IPO11: variants seen among roughly 807,000 people sequenced by gnomAD.
IPO11 encodes importin-11.
IPO11 carries 66 observed loss-of-function variants against 143.2 expected under a neutral mutation model. The observed-to-expected ratio is 0.46, with a 90% confidence interval of 0.38 to 0.57. The LOEUF (loss-of-function observed/expected upper bound fraction) is 0.57. Ranked by LOEUF, IPO11 falls within the 20% of genes least tolerant of loss-of-function variation. The pLI is 0.00. For synonymous variants in IPO11, 385 were observed against 377.8 expected, an observed-to-expected ratio of 1.02 and a Z score of -0.22; for missense variants, 1,026 against 1,141.0, an observed-to-expected ratio of 0.90 and a Z score of 1.45.
At chr5:62,548,512 T>G (rs990849599) in intron 24 of IPO11, among the ~76,000 whole-genome samples, 3 of 152,160 alleles carry the variant, frequency 2.0e-5, no homozygotes, top group African/African-American at 7.2e-5. Context: ...GGAAGCAATC[T>G]CTTTTAGACT....
chr5:62,416,110 G>A (rs1234490256), intron 1 of IPO11, among the ~76,000 whole-genome samples: 1 of 151,626 alleles, frequency 6.6e-6, no homozygotes, highest in South Asian at 2.1e-4. Flanking sequence ...CCTTCTTGCT[G>A]CCTTTTCTCG....
chr5:62,572,793 G>T (rs1380757343), intron 27 of IPO11, among the ~76,000 whole-genome samples: 2 of 151,934 alleles, frequency 1.3e-5, no homozygotes, highest in Non-Finnish European at 2.9e-5. Context: ...ATGTTGCTCA[G>T]GCTGGTCTTG....
intron 13 of IPO11, among the ~76,000 whole-genome samples, chr5:62,488,562 G>A (rs26642): frequency 0.43 from 66,049 of 151,956 alleles, 14,927 homozygotes; most frequent in South Asian, 0.53. Flanking sequence ...ATATACTTTC[G>A]GAGTGCATGT....
intron 21 of IPO11, among the ~76,000 whole-genome samples, chr5:62,527,043 A>G (rs1182963676): frequency 1.3e-5 from 2 of 151,602 alleles, no homozygotes; most frequent in Non-Finnish European, 2.9e-5. Context: ...CTTAGAAATT[A>G]CTTTGGTGCA....
Position 62,569,342 on chromosome 5 carries a change from G to A in IPO11, c.2582+8085G>A, listed in dbSNP as rs191537400. 3.9e-5 allele frequency among the ~76,000 whole-genome samples: 6 copies of A among 152,216 alleles called. No individual in the cohort carries two copies. In the East Asian group the frequency reaches 9.7e-4, roughly 24 times the overall value. On this transcript the variant is annotated intron_variant, in intron 27 of 29. Transcript: ENST00000325324. Reference sequence around the variant, plus strand: ...GTTCTATGCTAAAACCAGGTACTACGATCTCTCACTTGGTTTCTTTAGCTC... The same window carrying A: ...GTTCTATGCTAAAACCAGGTACTACAATCTCTCACTTGGTTTCTTTAGCTC...
At chr5:62,452,677 G>A (rs1337907380) in intron 5 of IPO11, among the ~76,000 whole-genome samples, 1 of 148,702 alleles carries the variant, frequency 6.7e-6, no homozygotes, top group Non-Finnish European at 1.5e-5. Context: ...GTGTGTGTGT[G>A]TGTGTGTGTA....
intron 27 of IPO11, chr5:62,579,441 G>A: frequency 1.3e-6 from 2 of 1,550,680 alleles, no homozygotes; most frequent in Non-Finnish European, 1.7e-6. Flanking sequence ...ACAGGGATAT[G>A]TGTGGATTAC....
chr5:62,516,889 C>G (rs539470711), intron 20 of IPO11, among the ~76,000 whole-genome samples: 48 of 151,602 alleles, frequency 3.2e-4, no homozygotes, highest in African/African-American at 1.1e-3. Flanking sequence ...AGCTCCATCA[C>G]TAAAGCACTT....
chr5:62,545,700 C>T (rs1430357116), intron 24 of IPO11, among the ~76,000 whole-genome samples: 3 of 152,168 alleles, frequency 2.0e-5, no homozygotes, highest in African/African-American at 4.8e-5. Context: ...GCAACCTACT[C>T]ATCTGACAAA....
intron 5 of IPO11, among the ~76,000 whole-genome samples, chr5:62,452,405 G>A (rs1428116771): frequency 6.6e-6 from 1 of 151,162 alleles, no homozygotes; most frequent in East Asian, 1.9e-4. Flanking sequence ...CAGTGAGGAG[G>A]ATTGGTTGTT....
At chr5:62,438,239 T>A (rs1466568878) in intron 2 of IPO11, among the ~76,000 whole-genome samples, 3 of 152,196 alleles carry the variant, frequency 2.0e-5, no homozygotes, top group Admixed American at 1.3e-4. Flanking sequence ...TTGAGTTGTT[T>A]GTTAAATTGA....
At chr5:62,504,595 A>AAATTTTTTTT in intron 16 of IPO11, 72 bp from the exon 17 acceptor site, 1 of 869,654 alleles carries the variant, frequency 1.1e-6, no homozygotes, top group East Asian at 2.8e-5. Context: ...TTGGAATAAA[A>AAATTTTTTTT]TTTTTTGTTT....
chr5:62,419,338 A>G (rs1389092832), intron 1 of IPO11, among the ~76,000 whole-genome samples: 2 of 152,244 alleles, frequency 1.3e-5, no homozygotes, highest in African/African-American at 4.8e-5. Context: ...TAAATTTATT[A>G]AGAAATTTTT....
intron 9 of IPO11, among the ~76,000 whole-genome samples, chr5:62,481,773 G>C (rs573574913): frequency 7.2e-5 from 11 of 152,240 alleles, no homozygotes; most frequent in Admixed American, 3.3e-4. Context: ...ATCTCTGCGA[G>C]GCTTTGGTAT....
chr5:62,579,654 A>G (rs1440073248), intron 27 of IPO11: 1 of 1,546,752 alleles, frequency 6.5e-7, no homozygotes, highest in Non-Finnish European at 8.7e-7. Context: ...GGAATAATAT[A>G]TCTTATATAA....
At chr5:62,581,783 T>A (rs1744575048) in intron 27 of IPO11, among the ~76,000 whole-genome samples, 1 of 152,092 alleles carries the variant, frequency 6.6e-6, no homozygotes, top group African/African-American at 2.4e-5. Context: ...AGCTTGAAAT[T>A]TAGAGGAGGA....
chr5:62,493,651 T>G (rs1265313396), intron 15 of IPO11, among the ~76,000 whole-genome samples: 5 of 151,674 alleles, frequency 3.3e-5, no homozygotes, highest in South Asian at 2.1e-4. Context: ...ATTGCCAACC[T>G]CTGTCTCTTG....
At chr5:62,489,498 A>G in intron 14 of IPO11, 149 bp downstream of exon 14, 1 of 539,310 alleles carries the variant, frequency 1.9e-6, no homozygotes, top group Non-Finnish European at 3.2e-6. Context: ...AAGTAAACAG[A>G]TAATGTATTA....
At chr5:62,423,413 A>G (rs1743587550) in intron 1 of IPO11, among the ~76,000 whole-genome samples, 1 of 152,202 alleles carries the variant, frequency 6.6e-6, no homozygotes, top group Admixed American at 6.5e-5. Flanking sequence ...GATGAGATAG[A>G]AGTAAACAAG....
Sources: gnomAD v4.1 joint callset for allele counts (sites outside exome capture counted in the v4.1 genomes callset) on GRCh38, gnomAD v4.1.1 for gene constraint, MANE v1.5 for transcripts, NCBI Gene and HGNC (gene_info 2026-07-23, HGNC 2026-07-21) for gene names.